The following ACTL7A variants were observed in gnomAD, a reference collection of about 807,000 sequenced individuals.
ACTL7A encodes the protein actin like 7A, also known as actin-like protein 7A.
A neutral mutation model predicts 30.3 loss-of-function variants in ACTL7A; 27 were observed. The ratio of observed to expected loss-of-function variants is 0.89; its 90% confidence interval spans 0.66 to 1.23. The LOEUF (loss-of-function observed/expected upper bound fraction) is 1.23, where lower values mean the gene tolerates loss of function less well. Among genes scored for constraint, ACTL7A ranks in the 50% most tolerant of loss-of-function variants. The pLI is 0.00. For synonymous variants in ACTL7A, 259 were observed against 241.4 expected, an observed-to-expected ratio of 1.07 and a Z score of -0.67; for missense variants, 566 against 571.8, an observed-to-expected ratio of 0.99 and a Z score of 0.10.
Position 108,863,594 on chromosome 9 carries a change from A to G in ACTL7A, c.1272A>G (p.Glu424=). Reference sequence around the variant, plus strand: ...GGGTCCACCGCTTTGAGTACGAGGAACACGGGCCTTTCTTCCTCTACAGAA... The same window carrying G: ...GGGTCCACCGCTTTGAGTACGAGGAGCACGGGCCTTTCTTCCTCTACAGAA... The part of the protein sequence containing the change: ...PLWVHRFEYE[E]HGPFFLYRRC... Residue 424 remains glutamate, a synonymous_variant, in exon 1 of 1, where the codon GAA becomes GAG. Transcript: ENST00000333999. 6.2e-7 allele frequency: 1 copy of G among 1,613,094 alleles called. No individual in the cohort carries two copies. Among genetic ancestry groups the G allele is most frequent in the Admixed American group, 1.7e-5 (1 of 59,934 alleles).
In ACTL7A at chr9:108,862,269, C is replaced by T. The variant is rs1451866106; in HGVS notation, c.-54C>T. On this transcript the variant is annotated 5_prime_UTR_variant, in exon 1 of 1. Coordinates refer to ENST00000333999, the MANE Select transcript of ACTL7A (RefSeq NM_006687.4). ...TATCCTCTGATGTAGGCCTTTCAGG[C>T]CTTGAATCCAGTGGGATTGAGAACT... 7.9e-6 allele frequency: 12 copies of T among 1,514,658 alleles called. No individual in the cohort carries two copies. The East Asian group carries it at 2.7e-4, about 34-fold the overall frequency. 93.8% of individuals were successfully genotyped at this position (1,514,658 alleles called of 1,614,324 possible).
At position 108,862,433 on chromosome 9, in the gene ACTL7A, G is replaced by A. The variant is rs770228436; in HGVS notation, c.111G>A (p.Pro37=). 2.5e-5 allele frequency: 41 copies of A among 1,613,992 alleles called. No individual in the cohort carries two copies. The highest frequency in any genetic ancestry group is 1.6e-4 in the Middle Eastern group (1 of 6,082). ...ALQTASLRDG[P]AKRAVWVRHT... ...AGACTGCCTCTTTAAGGGATGGCCC[G>A]GCGAAGCGGGCCGTGTGGGTCCGCC... The change falls in exon 1 of 1, where the codon CCG becomes CCA. Residue 37 remains proline, a synonymous_variant. Transcript: ENST00000333999.
chr9:108,862,348 T>C lies in ACTL7A; in HGVS notation c.26T>C (p.Met9Thr), dbSNP rs1189297901. The change falls in exon 1 of 1, where the codon ATG becomes ACG. Residue 9 changes from methionine (M) to threonine (T), a missense_variant. By Grantham distance (81) the Met-to-Thr change is moderately conservative. Coordinates refer to ENST00000333999, the MANE Select transcript of ACTL7A (RefSeq NM_006687.4). ...ATGTGGGCTCCACCAGCAGCAATCA[T>C]GGGGGATGGGCCCACCAAGAAGGTG... Reference protein sequence around the residue: MWAPPAAIMGDGPTKKVGN... With the variant: MWAPPAAITGDGPTKKVGN... 1 of 1,612,102 alleles carries C rather than the reference T, an allele frequency of 6.2e-7. No individual in the cohort carries two copies. The highest frequency in any genetic ancestry group is 2.2e-5 in the East Asian group (1 of 44,860).
At position 108,862,579 on chromosome 9, in the gene ACTL7A, C is replaced by G. The variant is rs1193694293; in HGVS notation, c.257C>G (p.Ala86Gly). ...LGTGYCKCGF[A>G]GLPRPTHKIS... ...ACTGGCTACTGTAAATGTGGCTTTGCCGGCCTGCCAAGACCCACCCACAAG... is the reference window on the plus strand; with the variant it reads ...ACTGGCTACTGTAAATGTGGCTTTGGCGGCCTGCCAAGACCCACCCACAAG... Residue 86 changes from alanine (A) to glycine (G), a missense_variant, in exon 1 of 1, where the codon GCC becomes GGC. Transcript: ENST00000333999. 1.9e-6 allele frequency: 3 copies of G among 1,614,074 alleles called. No homozygotes were observed. The highest frequency in any genetic ancestry group is 2.5e-6 in the Non-Finnish European group (3 of 1,180,052).
chr9:108,862,414 C>A lies in ACTL7A; in HGVS notation c.92C>A (p.Ala31Asp). 1 of 1,614,118 alleles carries A rather than the reference C, an allele frequency of 6.2e-7. No homozygotes were observed. Among genetic ancestry groups the A allele is most frequent in the Non-Finnish European group, 8.5e-7 (1 of 1,180,034 alleles). ...CTGCAGACACAGGCCCTCCAGACTG[C>A]CTCTTTAAGGGATGGCCCGGCGAAG... ...APLQTQALQT[A>D]SLRDGPAKRA... Residue 31 changes from alanine to aspartate, a missense_variant, in exon 1 of 1, where the codon GCC (alanine) becomes GAC (aspartate). Ala to Asp is a moderately radical substitution (Grantham distance 126). Coordinates refer to ENST00000333999, the MANE Select transcript of ACTL7A (RefSeq NM_006687.4).
chr9:108,863,647 A>G lies in ACTL7A; in HGVS notation c.*17A>G, dbSNP rs1040944718. On this transcript the variant is annotated 3_prime_UTR_variant, in exon 1 of 1. Transcript: ENST00000333999. ...TGCTTCTGAACAGCGACGAGGATGG[A>G]CACTGCACTGGCAGTGCCTACCCTC... is the stretch of plus-strand genomic sequence containing the variant. 6.3e-7 allele frequency: 1 copy of G among 1,584,818 alleles called. No individual in the cohort carries two copies. Among genetic ancestry groups the G allele is most frequent in the Non-Finnish European group, 8.6e-7 (1 of 1,163,730 alleles).
In ACTL7A at chr9:108,863,447, G is replaced by C; in HGVS notation, c.1125G>C (p.Gln375His). 6.2e-7 allele frequency: 1 copy of C among 1,614,216 alleles called. No individual in the cohort carries two copies. The highest frequency in any genetic ancestry group is 8.5e-7 in the Non-Finnish European group (1 of 1,180,046). The change falls in exon 1 of 1, where the codon CAG becomes CAC. Residue 375 changes from glutamine (Q) to histidine (H), a missense_variant. Coordinates refer to ENST00000333999, the MANE Select transcript of ACTL7A (RefSeq NM_006687.4). Reference sequence around the variant, plus strand: ...TCAGTGGCTTCCCTAACCGTCTGCAGAAGGAGCTAAGCAGCATGTGTCCCA... The same window carrying C: ...TCAGTGGCTTCCCTAACCGTCTGCACAAGGAGCTAAGCAGCATGTGTCCCA... The part of the protein sequence containing the change: ...TMLSGFPNRL[Q>H]KELSSMCPND...
At position 108,863,468 on chromosome 9, in the gene ACTL7A, T is replaced by TCCCAATGACA; in HGVS notation, c.1150_1159dup (p.Pro387GlnfsTer2). On this transcript the variant is annotated frameshift_variant, in exon 1 of 1. Transcript: ENST00000333999. LOFTEE classifies it high-confidence loss of function. ...TGCAGAAGGAGCTAAGCAGCATGTG[T>TCCCAATGACA]CCCAATGACACCCCGCAGGTAAACG... is the stretch of plus-strand genomic sequence containing the variant. The TCCCAATGACA allele has an allele frequency of 1.2e-6, 2 of 1,614,172 alleles. No individual in the cohort carries two copies. Among genetic ancestry groups the TCCCAATGACA allele is most frequent in the Non-Finnish European group, 1.7e-6 (2 of 1,180,014 alleles).
At position 108,863,258 on chromosome 9, in the gene ACTL7A, C is replaced by T; in HGVS notation, c.936C>T (p.Cys312=). ...CGGATGGGAAGGAGATTCAGCTGTG[C>T]CAGGAACGGTTCCTCTGCTCGGAGA... is the stretch of plus-strand genomic sequence containing the variant. ...VLPDGKEIQL[C]QERFLCSEMF... is the part of the protein sequence containing the mutation. The change falls in exon 1 of 1, where the codon TGC becomes TGT. Residue 312 remains cysteine, a synonymous_variant. Transcript: ENST00000333999. 1 of 1,614,102 alleles carries T rather than the reference C, an allele frequency of 6.2e-7. No individual in the cohort carries two copies. The highest frequency in any genetic ancestry group is 8.5e-7 in the Non-Finnish European group (1 of 1,180,026).
In ACTL7A at chr9:108,863,297, A is replaced by G; in HGVS notation, c.975A>G (p.Pro325=). 4 of 1,614,094 alleles carry G rather than the reference A, an allele frequency of 2.5e-6. No homozygotes were observed. Among genetic ancestry groups the G allele is most frequent in the Non-Finnish European group, 1.7e-6 (2 of 1,179,998 alleles). Residue 325 remains proline, a synonymous_variant, in exon 1 of 1, where the codon CCA becomes CCG. Coordinates refer to ENST00000333999, the MANE Select transcript of ACTL7A (RefSeq NM_006687.4). ...RFLCSEMFFK[P]SLIKSMQLGL... is the part of the protein sequence containing the mutation. ...TCTGCTCGGAGATGTTCTTCAAGCC[A>G]TCTCTCATCAAGTCCATGCAGCTGG...
chr9:108,862,569 T>C lies in ACTL7A; in HGVS notation c.247T>C (p.Cys83Arg). The C allele has an allele frequency of 6.2e-7, 1 of 1,613,860 alleles. No individual in the cohort carries two copies. Among genetic ancestry groups the C allele is most frequent in the Non-Finnish European group, 8.5e-7 (1 of 1,180,022 alleles). ...GGACCTGGGCACTGGCTACTGTAAA[T>C]GTGGCTTTGCCGGCCTGCCAAGACC... Reference protein sequence around the residue: ...VVDLGTGYCKCGFAGLPRPTH... With the variant: ...VVDLGTGYCKRGFAGLPRPTH... The change falls in exon 1 of 1, where the codon TGT (cysteine) becomes CGT (arginine). Residue 83 changes from cysteine to arginine, a missense_variant. Physicochemically the swap from Cys to Arg is radical, Grantham distance 180 (BLOSUM62 -3). Transcript: ENST00000333999.
rs1242609008 is a variant in ACTL7A, at chr9:108,863,267, G to A, written c.945G>A (p.Arg315=). Residue 315 remains arginine (R), a synonymous_variant, in exon 1 of 1, where the codon CGG becomes CGA. Coordinates refer to ENST00000333999, the MANE Select transcript of ACTL7A (RefSeq NM_006687.4). Reference sequence around the variant, plus strand: ...AGGAGATTCAGCTGTGCCAGGAACGGTTCCTCTGCTCGGAGATGTTCTTCA... The same window carrying A: ...AGGAGATTCAGCTGTGCCAGGAACGATTCCTCTGCTCGGAGATGTTCTTCA... ...DGKEIQLCQE[R]FLCSEMFFKP... 1 of 1,614,112 alleles carries A rather than the reference G, an allele frequency of 6.2e-7. No homozygotes were observed. Among genetic ancestry groups the A allele is most frequent in the South Asian group, 1.1e-5 (1 of 91,086 alleles).
Position 108,862,276 on chromosome 9 carries a change from T to G in ACTL7A, c.-47T>G, listed in dbSNP as rs1827172379. The G allele has an allele frequency of 5.2e-6, 8 of 1,531,622 alleles. No individual in the cohort carries two copies. Among genetic ancestry groups the G allele is most frequent in the Non-Finnish European group, 7.0e-6 (8 of 1,139,792 alleles). 94.9% of individuals were successfully genotyped at this position (1,531,622 alleles called of 1,614,324 possible). A position where few individuals can be genotyped will look rare whatever the true frequency, so the allele number is the denominator to read the frequency against. On this transcript the variant is annotated 5_prime_UTR_variant, in exon 1 of 1. Transcript: ENST00000333999. ...TGATGTAGGCCTTTCAGGCCTTGAA[T>G]CCAGTGGGATTGAGAACTTTCTAAG...
At position 108,862,359 on chromosome 9, in the gene ACTL7A, CCCA is replaced by C. The variant is rs1449900675; in HGVS notation, c.41_43del (p.Thr14del). On this transcript the variant is annotated inframe_deletion, in exon 1 of 1. Transcript: ENST00000333999. The stretch of plus-strand genomic sequence containing the variant: ...ACCAGCAGCAATCATGGGGGATGGG[CCCA>C]CCAAGAAGGTGGGCAACCAGGCCCC... 1.1e-5 allele frequency: 18 copies of C among 1,613,120 alleles called. No homozygotes were observed. Among genetic ancestry groups the C allele is most frequent in the Non-Finnish European group, 1.5e-5 (18 of 1,179,766 alleles).
chr9:108,863,555 T>A lies in ACTL7A; in HGVS notation c.1233T>A (p.Gly411=). 6.2e-7 allele frequency: 1 copy of A among 1,613,800 alleles called. No homozygotes were observed. The highest frequency in any genetic ancestry group is 8.5e-7 in the Non-Finnish European group (1 of 1,179,938). The part of the protein sequence containing the change: ...TGGSILASLQ[G]FQPLWVHRFE... Reference sequence around the variant, plus strand: ...GCTCCATCCTGGCCTCACTTCAGGGTTTCCAACCATTGTGGGTCCACCGCT... The same window carrying A: ...GCTCCATCCTGGCCTCACTTCAGGGATTCCAACCATTGTGGGTCCACCGCT... The change falls in exon 1 of 1, where the codon GGT becomes GGA. Residue 411 remains glycine (G), a synonymous_variant. Coordinates refer to ENST00000333999, the MANE Select transcript of ACTL7A (RefSeq NM_006687.4).
rs755073101 is a variant in ACTL7A at position 108,862,462 on chromosome 9, C to T, written c.140C>T (p.Thr47Met). The T allele has an allele frequency of 1.7e-5, 28 of 1,613,968 alleles. No homozygotes were observed. The highest frequency in any genetic ancestry group is 1.2e-4 in the South Asian group (11 of 91,082). Residue 47 changes from threonine to methionine, a missense_variant, in exon 1 of 1, where the codon ACG (threonine) becomes ATG (methionine). Coordinates refer to ENST00000333999, the MANE Select transcript of ACTL7A (RefSeq NM_006687.4). ...AAGCGGGCCGTGTGGGTCCGCCATA[C>T]GAGTTCAGAGCCACAAGAACCTACT... ...PAKRAVWVRH[T>M]SSEPQEPTES... is the part of the protein sequence containing the mutation.
Position 108,862,761 on chromosome 9 carries a change from C to A in ACTL7A, c.439C>A (p.Gln147Lys), listed in dbSNP as rs137886641. 7.4e-6 allele frequency: 12 copies of A among 1,614,058 alleles called. No individual in the cohort carries two copies. The East Asian group carries it at 1.1e-4, about 15-fold the overall frequency. ...HGIIVDWDTV[Q>K]DIWEYLFRQE... ...CATCATCGTGGACTGGGATACAGTG[C>A]AGGATATCTGGGAATATCTCTTCCG... is the stretch of plus-strand genomic sequence containing the variant. The change falls in exon 1 of 1, where the codon CAG becomes AAG. Residue 147 changes from glutamine (Q) to lysine (K), a missense_variant. By Grantham distance (53) the Gln-to-Lys change is moderately conservative. Transcript: ENST00000333999.
Position 108,863,276 on chromosome 9 carries a change from C to T in ACTL7A, c.954C>T (p.Cys318=), listed in dbSNP as rs753183976. 21 of 1,614,034 alleles carry T rather than the reference C, an allele frequency of 1.3e-5. No individual in the cohort carries two copies. The South Asian group carries it at 2.2e-4, about 17-fold the overall frequency. ...AGCTGTGCCAGGAACGGTTCCTCTG[C>T]TCGGAGATGTTCTTCAAGCCATCTC... The part of the protein sequence containing the change: ...EIQLCQERFL[C]SEMFFKPSLI... Residue 318 remains cysteine (C), a synonymous_variant, in exon 1 of 1, where the codon TGC becomes TGT. Transcript: ENST00000333999.
Position 108,862,515 on chromosome 9 carries a change from A to T in ACTL7A, c.193A>T (p.Lys65Ter). 4 of 1,613,846 alleles carry T rather than the reference A, an allele frequency of 2.5e-6. No individual in the cohort carries two copies. The highest frequency in any genetic ancestry group is 3.4e-6 in the Non-Finnish European group (4 of 1,179,998). The stretch of plus-strand genomic sequence containing the variant: ...ATCAAAGGCAGCCAAGGAGAGGCCC[A>T]AGCAGGAGGTGACCAAAGCAGTGGT... Reference protein sequence around the residue: ...TESKAAKERPKQEVTKAVVVD... With the variant: ...TESKAAKERP The change falls in exon 1 of 1, where the codon AAG becomes TAG. Residue 65 changes from lysine (K) to a stop codon, truncating the protein, a stop_gained. Transcript: ENST00000333999. LOFTEE classifies it high-confidence loss of function.
Sources: allele counts gnomAD v4.1 joint callset, GRCh38; gene constraint gnomAD v4.1.1; transcripts MANE v1.5; gene names NCBI Gene and HGNC (gene_info 2026-07-23, HGNC 2026-07-21).